Variants in FMN2 observed in about 807,000 individuals in gnomAD.
FMN2 encodes the protein formin 2.
In FMN2, 51 loss-of-function variants were observed where a neutral mutation model predicts 142.3. That is an observed-to-expected ratio of 0.36 (90% CI 0.29 to 0.45). The LOEUF is 0.45. FMN2 is among the 20% of genes least tolerant of loss of function. The pLI is 1.00. For synonymous variants in FMN2, 882 were observed against 869.8 expected (o/e 1.01, Z -0.25); for missense variants, 1,936 against 2,122.8 (o/e 0.91, Z 1.73).
chr1:240,165,769 A>G (rs1664456622), intron 2 of FMN2, among the ~76,000 whole-genome samples: 1 of 151,944 alleles, frequency 6.6e-6, no homozygotes, highest in Non-Finnish European at 1.5e-5. Flanking sequence ...AAAGATTTAG[A>G]TGCTTTGAAG....
At position 240,156,818 on chromosome 1, in the gene FMN2, T is replaced by C. The variant is rs148103583; in HGVS notation, c.1783-21103T>C. On this transcript the variant is annotated intron_variant, in intron 2 of 17. Transcript: ENST00000319653. ...AGGTTAGTAGGAATCACTGAGGAAG[T>C]GGGATATGTTAGATTAATAGATGCA... Among the ~76,000 whole-genome samples, 378 of 152,192 alleles carry C rather than the reference T, an allele frequency of 2.5e-3. 3 individuals are homozygous for C. The highest frequency in any genetic ancestry group is 8.4e-3 in the African/African-American group (349 of 41,528).
intron 14 of FMN2, among the ~76,000 whole-genome samples, chr1:240,356,266 G>T (rs1227048677): frequency 6.6e-6 from 1 of 152,026 alleles, no homozygotes; most frequent in Admixed American, 6.6e-5. Flanking sequence ...CATTTTAATT[G>T]TACTGATGAG....
chr1:240,235,008 A>C (rs1667655545), intron 6 of FMN2, among the ~76,000 whole-genome samples: 1 of 152,212 alleles, frequency 6.6e-6, no homozygotes, highest in Admixed American at 6.5e-5. Context: ...TACAATTAGC[A>C]TCCTGTGTAT....
chr1:240,186,234 C>T (rs1665443269), intron 3 of FMN2, among the ~76,000 whole-genome samples: 1 of 152,142 alleles, frequency 6.6e-6, no homozygotes. Context: ...TTTCTCTGCC[C>T]AGGATACCCC....
At chr1:240,400,166 G>A (rs1216644558) in intron 15 of FMN2, among the ~76,000 whole-genome samples, 1 of 152,144 alleles carries the variant, frequency 6.6e-6, no homozygotes, top group Non-Finnish European at 1.5e-5. Flanking sequence ...ATCCTTTTGG[G>A]ATCATAATCA....
intron 8 of FMN2, among the ~76,000 whole-genome samples, chr1:240,315,320 A>G (rs1351556930): frequency 6.6e-6 from 1 of 152,266 alleles, no homozygotes; most frequent in Non-Finnish European, 1.5e-5. Context: ...ATGCATGAAC[A>G]GTAAAAACAT....
chr1:240,213,726 A>G (rs1666781187), intron 6 of FMN2, among the ~76,000 whole-genome samples: 1 of 152,204 alleles, frequency 6.6e-6, no homozygotes, highest in Non-Finnish European at 1.5e-5. Flanking sequence ...TATACAATGG[A>G]AGCTGGAAGT....
intron 7 of FMN2, among the ~76,000 whole-genome samples, chr1:240,265,942 A>G (rs7535632): frequency 0.66 from 90,925 of 138,588 alleles, 29,875 homozygotes; most frequent in East Asian, 0.84. Context: ...TCCTTTTTTC[A>G]TTGCCCTGAA....
chr1:240,093,288 G>A lies in FMN2; in HGVS notation c.1179G>A (p.Ala393=). The change falls in exon 1 of 18, where the codon GCG becomes GCA. Residue 393 remains alanine (A), a synonymous_variant. Transcript: ENST00000319653. ...AGGCGCAAGGACCTGACGCCCCCGC[G>A]GCCGCTTCCCTGCCCGGCAGCCCCG... The part of the protein sequence containing the change: ...EEEAQGPDAP[A]AASLPGSPAP... The A allele has an allele frequency of 6.2e-7, 1 of 1,608,216 alleles. No individual in the cohort carries two copies. The highest frequency in any genetic ancestry group is 1.3e-5 in the African/African-American group (1 of 74,576).
At chr1:240,116,447 A>C (rs1042104121) in intron 1 of FMN2, among the ~76,000 whole-genome samples, 8 of 152,234 alleles carry the variant, frequency 5.3e-5, no homozygotes, top group African/African-American at 1.9e-4. Context: ...TGTTGGGTAG[A>C]GAAGCCATTA....
intron 6 of FMN2, among the ~76,000 whole-genome samples, chr1:240,243,083 G>A (rs1047616002): frequency 1.3e-5 from 2 of 151,986 alleles, no homozygotes; most frequent in African/African-American, 2.4e-5. Context: ...AGGAGAATAC[G>A]GTAGTGTAAG....
intron 1 of FMN2, among the ~76,000 whole-genome samples, chr1:240,115,392 G>A (rs74149329): frequency 0.074 from 11,314 of 152,148 alleles, 501 homozygotes; most frequent in Non-Finnish European, 0.091. Context: ...ATACTCCCAT[G>A]ATGCATCACT....
rs1660977202 is a variant in FMN2 at position 240,091,887 on chromosome 1, C to G, written c.-223C>G. ...GCGCCCCGCCGGCCCCTAGCCGCAGCCGCAGCCGCAGCGACGGCAGCCACG... is the reference window on the plus strand; with the variant it reads ...GCGCCCCGCCGGCCCCTAGCCGCAGGCGCAGCCGCAGCGACGGCAGCCACG... On this transcript the variant is annotated 5_prime_UTR_variant, in exon 1 of 18. Coordinates refer to ENST00000319653, the MANE Select transcript of FMN2 (RefSeq NM_020066.5). 9.9e-6 allele frequency: 7 copies of G among 705,124 alleles called. No individual in the cohort carries two copies. Among genetic ancestry groups the G allele is most frequent in the Non-Finnish European group, 1.3e-5 (6 of 476,270 alleles). 43.7% of individuals were successfully genotyped at this position (705,124 alleles called of 1,614,324 possible).
chr1:240,375,235 TAATG>T (rs1673005686), intron 14 of FMN2, among the ~76,000 whole-genome samples: 1 of 152,014 alleles, frequency 6.6e-6, no homozygotes, highest in Non-Finnish European at 1.5e-5. Flanking sequence ...GACAAGATAA[TAATG>T]GGAAAGTTTG....
At position 240,092,481 on chromosome 1, in the gene FMN2, G is replaced by C; in HGVS notation, c.372G>C (p.Ser124=). Reference sequence around the variant, plus strand: ...CCAAGACTCCAGACCTCAGCCTCTCGGCGGACGAGGCCGGCCTGTCGGATA... The same window carrying C: ...CCAAGACTCCAGACCTCAGCCTCTCCGCGGACGAGGCCGGCCTGTCGGATA... ...LLTKTPDLSL[S]ADEAGLSDTE... The change falls in exon 1 of 18, where the codon TCG becomes TCC. Residue 124 remains serine (S), a synonymous_variant. Coordinates refer to ENST00000319653, the MANE Select transcript of FMN2 (RefSeq NM_020066.5). 6.2e-7 allele frequency: 1 copy of C among 1,607,670 alleles called. No individual in the cohort carries two copies. Among genetic ancestry groups the C allele is most frequent in the Non-Finnish European group, 8.5e-7 (1 of 1,177,090 alleles).
intron 1 of FMN2, 61 bp downstream of exon 1, chr1:240,093,785 C>T: frequency 8.5e-7 from 1 of 1,175,296 alleles, no homozygotes; most frequent in Non-Finnish European, 1.1e-6. Context: ...GGGCCTTCCC[C>T]TGCCACCCGC....
chr1:240,416,450 A>C (rs1266304022), intron 15 of FMN2, among the ~76,000 whole-genome samples: 1 of 152,006 alleles, frequency 6.6e-6, no homozygotes, highest in East Asian at 1.9e-4. Flanking sequence ...TTATATTTTT[A>C]GTAGAGACGG....
chr1:240,472,154 CTA>C, intron 16 of FMN2: 1 of 479,432 alleles, frequency 2.1e-6, no homozygotes, highest in Non-Finnish European at 3.7e-6. Flanking sequence ...TTCAATCATA[CTA>C]TGATTCCAAG....
chr1:240,269,485 C>T (rs913124502), intron 7 of FMN2, among the ~76,000 whole-genome samples: 12 of 151,910 alleles, frequency 7.9e-5, no homozygotes, highest in African/African-American at 2.9e-4. Context: ...TGTGATTTCT[C>T]TGGTTTTGTC....
Sources: allele counts gnomAD v4.1 joint callset (sites outside exome capture counted in the v4.1 genomes callset), GRCh38; gene constraint gnomAD v4.1.1; transcripts MANE v1.5; gene names NCBI Gene and HGNC (gene_info 2026-07-23, HGNC 2026-07-21).